Variants in TCF20 observed in about 807,000 individuals in gnomAD.
TCF20 encodes the protein SPRE-binding protein.
In TCF20, 3 loss-of-function variants were observed where a neutral mutation model predicts 148.6. The observed-to-expected ratio is 0.02, with a 90% CI of 0.01 to 0.05. The LOEUF is 0.05. Ranked by LOEUF, TCF20 falls within the 10% of genes least tolerant of loss-of-function variation. The probability of loss-of-function intolerance (pLI) is 1.00; values close to 1 mark genes in which losing one functional copy is unlikely to be tolerated. For synonymous variants in TCF20, 1,049 were observed against 909.5 expected (o/e 1.15, Z -2.76); for missense variants, 2,350 against 2,429.3 (o/e 0.97, Z 0.69).
chr22:42,324,300 C>T lies in TCF20; in HGVS notation c.-37+19179G>A, dbSNP rs528362114. On this transcript the variant is annotated intron_variant, in intron 1 of 1. Coordinates refer to the TCF20 transcript ENST00000515426. ...AAGAGGGTGTGGGAGGGAGGAGAGA[C>T]GAATAAACCAGTGAGGGTAAAAGGT... Among the ~76,000 whole-genome samples the T allele has an allele frequency of 5.3e-5, 8 of 151,168 alleles. No homozygotes were observed. In the South Asian group the frequency reaches 8.4e-4, roughly 16 times the overall value.
At chr22:42,196,925 AG>A (rs1221568594) in intron 2 of TCF20, among the ~76,000 whole-genome samples, 1 of 152,136 alleles carries the variant, frequency 6.6e-6, no homozygotes, top group African/African-American at 2.4e-5. Context: ...CCTGTGTAGC[AG>A]TTCTTCAATT....
At chr22:42,181,090 C>T (rs1023907676) in intron 2 of TCF20, among the ~76,000 whole-genome samples, 1 of 152,238 alleles carries the variant, frequency 6.6e-6, no homozygotes, top group African/African-American at 2.4e-5. Context: ...CGACCTTTGT[C>T]AGTGCCACAG....
chr22:42,255,517 ACAAC>A (rs1569189402), intron 1 of TCF20, among the ~76,000 whole-genome samples: 1 of 151,466 alleles, frequency 6.6e-6, no homozygotes, highest in Non-Finnish European at 1.5e-5. Flanking sequence ...AACAACAACA[ACAAC>A]AACAACAAAA....
At chr22:42,318,925 CCTGCCCAATGGAGCTTAGGGCCCTGGCA>C (rs1226121913) in intron 1 of TCF20, among the ~76,000 whole-genome samples, 4 of 152,210 alleles carry the variant, frequency 2.6e-5, no homozygotes, top group Non-Finnish European at 5.9e-5. Context: ...AGCAGAGGCA[CCTGCCCAATGGAGCTTAGGGCCCTGGCA>C]CTGCCCTGAC....
chr22:42,267,045 G>A (rs1247244176), intron 1 of TCF20, among the ~76,000 whole-genome samples: 7 of 152,168 alleles, frequency 4.6e-5, no homozygotes, highest in Non-Finnish European at 8.8e-5. Flanking sequence ...TGAGGCAGGC[G>A]GCTCACCTGA....
At chr22:42,174,875 A>G (rs1936349666) in intron 3 of TCF20, among the ~76,000 whole-genome samples, 2 of 152,066 alleles carry the variant, frequency 1.3e-5, no homozygotes, top group African/African-American at 4.8e-5. Context: ...CTCTACTAAA[A>G]ACAGAAAAAA....
chr22:42,202,214 C>T (rs577461396), intron 2 of TCF20, among the ~76,000 whole-genome samples: 2 of 152,324 alleles, frequency 1.3e-5, no homozygotes, highest in Admixed American at 1.3e-4. Context: ...CTAACAGGAA[C>T]ACATCTTTAC....
rs893363918 is a variant in TCF20 at position 42,168,624 on chromosome 22, T to C, written c.*29A>G. On this transcript the variant is annotated 3_prime_UTR_variant, in exon 5 of 6. Coordinates refer to ENST00000677622, the MANE Select transcript of TCF20 (RefSeq NM_001378418.1). ...CCCGACTCACCTGTGCTTGCTGTCCTTTCCATTCCCACGAGCACACTGCCC... is the reference window on the plus strand; with the variant it reads ...CCCGACTCACCTGTGCTTGCTGTCCCTTCCATTCCCACGAGCACACTGCCC... 5 of 1,583,084 alleles carry C rather than the reference T, an allele frequency of 3.2e-6. No individual in the cohort carries two copies. Among genetic ancestry groups the C allele is most frequent in the Non-Finnish European group, 4.3e-6 (5 of 1,164,864 alleles).
At chr22:42,271,357 C>T (rs1926613957), upstream of TCF20, among the ~76,000 whole-genome samples, 1 of 152,260 alleles carries the variant, frequency 6.6e-6, no homozygotes, top group South Asian at 2.1e-4. Flanking sequence ...GCTGCAATGC[C>T]AGGCTGACTG....
intron 1 of TCF20, among the ~76,000 whole-genome samples, chr22:42,228,627 G>C (rs1389182460): frequency 6.6e-6 from 1 of 152,210 alleles, no homozygotes; most frequent in Non-Finnish European, 1.5e-5. Flanking sequence ...CTGGTAAAGG[G>C]AATCAAGAGT....
intron 1 of TCF20, among the ~76,000 whole-genome samples, chr22:42,229,863 C>T (rs1295781871): frequency 6.6e-6 from 1 of 152,164 alleles, no homozygotes; most frequent in Non-Finnish European, 1.5e-5. Context: ...GTCCTTATTT[C>T]CCCACTTGGT....
chr22:42,294,576 G>A (rs1927196707), intron 1 of TCF20, among the ~76,000 whole-genome samples: 2 of 152,112 alleles, frequency 1.3e-5, no homozygotes, highest in African/African-American at 4.8e-5. Flanking sequence ...TGCTGTCCAG[G>A]GTGCTGGGCC....
intron 2 of TCF20, among the ~76,000 whole-genome samples, chr22:42,180,673 G>A (rs1936726761): frequency 6.6e-6 from 1 of 152,122 alleles, no homozygotes; most frequent in Non-Finnish European, 1.5e-5. Context: ...GATACTGATG[G>A]AAAACTACAC....
chr22:42,332,719 C>T (rs968402257), intron 1 of TCF20, among the ~76,000 whole-genome samples: 10 of 152,222 alleles, frequency 6.6e-5, no homozygotes, highest in Admixed American at 1.3e-4. Context: ...CTGCCTGCCT[C>T]AGCCTCCCAA....
At chr22:42,168,789 A>G in intron 4 of TCF20, 53 bp from the exon 5 acceptor site, 1 of 1,539,348 alleles carries the variant, frequency 6.5e-7, no homozygotes, top group Non-Finnish European at 8.8e-7. Context: ...GACAGTGCAG[A>G]AATCAGGGAG....
intron 1 of TCF20, among the ~76,000 whole-genome samples, chr22:42,254,959 CAAA>C (rs10625678): frequency 3.2e-5 from 2 of 62,808 alleles, no homozygotes; most frequent in African/African-American, 1.9e-4. Context: ...GACTCCGTCT[CAAA>C]AAAAAAAAAA....
chr22:42,293,455 G>A (rs1265805763), intron 1 of TCF20, among the ~76,000 whole-genome samples: 1 of 152,248 alleles, frequency 6.6e-6, no homozygotes. Context: ...TATCCTGCAT[G>A]ACTACCTGGG....
chr22:42,179,774 C>G, intron 2 of TCF20, 72 bp from the exon 3 acceptor site: 1 of 985,964 alleles, frequency 1.0e-6, no homozygotes, highest in South Asian at 1.3e-5. Flanking sequence ...TTCCCTGGTC[C>G]CCATCTGTTA....
intron 1 of TCF20, among the ~76,000 whole-genome samples, chr22:42,318,279 C>G (rs962805271): frequency 6.6e-6 from 1 of 152,226 alleles, no homozygotes; most frequent in Non-Finnish European, 1.5e-5. Flanking sequence ...ACCACAAGGC[C>G]TCAGCTCCAG....
Sources: allele counts gnomAD v4.1 joint callset (sites outside exome capture counted in the v4.1 genomes callset), GRCh38; gene constraint gnomAD v4.1.1; transcripts MANE v1.5; gene names NCBI Gene and HGNC (gene_info 2026-07-23, HGNC 2026-07-21).